Variants in PDS5A observed in about 807,000 individuals in gnomAD.
The protein encoded by PDS5A is PDS5 cohesin associated factor A.
PDS5A carries 42 observed loss-of-function variants against 167.1 expected under a neutral mutation model. The ratio of observed to expected loss-of-function variants is 0.25; its 90% confidence interval spans 0.20 to 0.33. The LOEUF is 0.33. Ranked by LOEUF, PDS5A falls within the 10% of genes least tolerant of loss-of-function variation. The pLI, the probability that PDS5A is intolerant of heterozygous loss-of-function variation, is 1.00. For missense variants in PDS5A, 1,033 were observed against 1,605.9 expected (o/e 0.64, Z 6.10); for synonymous variants, 553 against 554.6 (o/e 1.00, Z 0.04).
At chr4:39,937,769 T>C (rs1277135896) in intron 2 of PDS5A, among the ~76,000 whole-genome samples, 1 of 152,214 alleles carries the variant, frequency 6.6e-6, no homozygotes, top group East Asian at 1.9e-4. Flanking sequence ...TTAATTGAAA[T>C]GTAAATTGGT....
intron 24 of PDS5A, 56 bp from the exon 25 acceptor site, chr4:39,863,129 A>C: frequency 7.4e-7 from 1 of 1,343,316 alleles, no homozygotes; most frequent in South Asian, 1.2e-5. Context: ...AAAAAACAGC[A>C]GTTTAAGTAT....
At chr4:39,959,780 G>C (rs28884578) in intron 2 of PDS5A, among the ~76,000 whole-genome samples, 60,627 of 151,562 alleles carry the variant, frequency 0.4, 12,325 homozygotes, top group East Asian at 0.62. Context: ...CAAGGTGAAA[G>C]CCCGTCTATA....
At chr4:39,827,433 C>G (rs1198452301) in intron 32 of PDS5A, among the ~76,000 whole-genome samples, 1 of 152,134 alleles carries the variant, frequency 6.6e-6, no homozygotes. Context: ...GGACTTGATT[C>G]TATGTACCAA....
At chr4:39,849,101 T>C in intron 27 of PDS5A, 131 bp from the exon 28 acceptor site, 1 of 699,280 alleles carries the variant, frequency 1.4e-6, no homozygotes, top group Non-Finnish European at 2.3e-6. Flanking sequence ...GAACATTCCA[T>C]ATTTCTGTTC....
At chr4:39,848,519 C>T (rs1169547902) in intron 28 of PDS5A, 3 of 236,644 alleles carry the variant, frequency 1.3e-5, no homozygotes, top group Non-Finnish European at 2.5e-5. Flanking sequence ...AGAACCTGTC[C>T]CTCCTTACAC....
intron 8 of PDS5A, 37 bp downstream of exon 8, chr4:39,917,011 A>G (rs970651282): frequency 6.0e-6 from 8 of 1,326,866 alleles, no homozygotes; most frequent in Non-Finnish European, 7.9e-6. Flanking sequence ...AGAAACAAAA[A>G]AATTAAAAAA....
chr4:39,936,377 C>T (rs1376342061), intron 2 of PDS5A, among the ~76,000 whole-genome samples: 2 of 152,226 alleles, frequency 1.3e-5, no homozygotes, highest in African/African-American at 4.8e-5. Context: ...CCTATAGCCT[C>T]CTCAGGTTTA....
At chr4:39,934,575 G>A (rs1247279701) in intron 2 of PDS5A, among the ~76,000 whole-genome samples, 2 of 148,736 alleles carry the variant, frequency 1.3e-5, no homozygotes, top group African/African-American at 2.5e-5. Flanking sequence ...AATACCCTCT[G>A]GCTATTTATC....
At chr4:39,927,555 A>C (rs1725579148) in intron 3 of PDS5A, among the ~76,000 whole-genome samples, 1 of 152,172 alleles carries the variant, frequency 6.6e-6, no homozygotes, top group African/African-American at 2.4e-5. Context: ...AGAACAACCA[A>C]GATGAGCATA....
rs1441957081 is a variant in PDS5A, at chr4:39,845,448, T to C, written c.3402+370A>G. ...CTATTTACAAAAAACTAAATTTCCT[T>C]TTGCTGTTTTAGGTGTCACCATATT... On this transcript the variant is annotated intron_variant, in intron 29 of 32. Transcript: ENST00000303538. Among the ~76,000 whole-genome samples, 4 of 152,172 alleles carry C rather than the reference T, an allele frequency of 2.6e-5. No individual in the cohort carries two copies. The East Asian group carries it at 5.8e-4, about 22-fold the overall frequency.
At chr4:39,930,246 A>ATTTTTTTTTTT in intron 2 of PDS5A, among the ~76,000 whole-genome samples, 1 of 93,090 alleles carries the variant, frequency 1.1e-5, no homozygotes, top group African/African-American at 3.7e-5. Flanking sequence ...AAAAAAAAAA[A>ATTTTTTTTTTT]GTTTTTTTGT....
chr4:39,917,422 A>C (rs958087526), intron 7 of PDS5A, among the ~76,000 whole-genome samples: 6 of 152,176 alleles, frequency 3.9e-5, no homozygotes, highest in African/African-American at 1.2e-4. Flanking sequence ...AAAAGCAAAA[A>C]AAAATTGGTT....
intron 17 of PDS5A, among the ~76,000 whole-genome samples, chr4:39,888,606 TAA>T (rs1721690440): frequency 1.4e-5 from 2 of 144,208 alleles, no homozygotes; most frequent in South Asian, 4.3e-4. Context: ...TATTCAGCCA[TAA>T]AAAAAGAATG....
rs187425015 is a variant in PDS5A, at chr4:39,876,350, G to A, written c.2153+643C>T. ...CAATGGACACTGAATTATTTCACAA[G>A]TTAAACTATTAGCTCACAAATTTAA... On this transcript the variant is annotated intron_variant, in intron 19 of 32. Transcript: ENST00000303538. Among the ~76,000 whole-genome samples, 36 of 152,278 alleles carry A rather than the reference G, an allele frequency of 2.4e-4. No individual in the cohort carries two copies. The East Asian group carries it at 6.2e-3, about 26-fold the overall frequency.
rs576330452 is a variant in PDS5A at position 39,949,998 on chromosome 4, C to T, written c.139-21834G>A. Among the ~76,000 whole-genome samples, 4 of 151,920 alleles carry T rather than the reference C, an allele frequency of 2.6e-5. No homozygotes were observed. The East Asian group carries it at 7.8e-4, about 30-fold the overall frequency. ...TCGGCTCACCACAACCTCCACCTCC[C>T]GAGTTTAAGTGATTCTCCTGCCTCA... On this transcript the variant is annotated intron_variant, in intron 2 of 32. Coordinates refer to ENST00000303538, the MANE Select transcript of PDS5A (RefSeq NM_001100399.2).
At chr4:39,897,036 C>T (rs572358299) in intron 16 of PDS5A, among the ~76,000 whole-genome samples, 8 of 152,060 alleles carry the variant, frequency 5.3e-5, no homozygotes, top group African/African-American at 1.9e-4. Context: ...TATGGGACTC[C>T]CAAAATACAT....
intron 26 of PDS5A, among the ~76,000 whole-genome samples, chr4:39,860,138 C>T (rs775805366): frequency 3.5e-4 from 54 of 152,130 alleles, no homozygotes; most frequent in Non-Finnish European, 6.9e-4. Context: ...CCAGCAATCT[C>T]ACTGCTGGAT....
At chr4:39,963,406 C>G (rs1578838190) in intron 2 of PDS5A, among the ~76,000 whole-genome samples, 1 of 152,122 alleles carries the variant, frequency 6.6e-6, no homozygotes, top group South Asian at 2.1e-4. Flanking sequence ...TTGCAGTAAG[C>G]CGAGATTGCA....
At chr4:39,876,152 T>C (rs1295267582) in intron 19 of PDS5A, among the ~76,000 whole-genome samples, 2 of 152,120 alleles carry the variant, frequency 1.3e-5, no homozygotes, top group Non-Finnish European at 2.9e-5. Context: ...AAAAAATGTA[T>C]AGGATTTCCT....
Sources: gnomAD v4.1 joint callset for allele counts (sites outside exome capture counted in the v4.1 genomes callset) on GRCh38, gnomAD v4.1.1 for gene constraint, MANE v1.5 for transcripts, NCBI Gene and HGNC (gene_info 2026-07-23, HGNC 2026-07-21) for gene names.